The following ADCY2 variants were observed in gnomAD, a reference collection of about 807,000 sequenced individuals.
ADCY2 encodes the protein adenylate cyclase 2.
In ADCY2, 31 loss-of-function variants were observed where a neutral mutation model predicts 125.2. That is an observed-to-expected ratio of 0.25 (90% CI 0.19 to 0.33). The LOEUF (loss-of-function observed/expected upper bound fraction) is 0.33, where lower values mean the gene tolerates loss of function less well. Among genes scored for constraint, ADCY2 ranks in the 10% least tolerant of loss-of-function variants. The pLI is 1.00. For synonymous variants in ADCY2, 512 were observed against 548.4 expected, an observed-to-expected ratio of 0.93 and a Z score of 0.93; for missense variants, 904 against 1,418.2, an observed-to-expected ratio of 0.64 and a Z score of 5.82.
At chr5:7,694,363 C>T (rs1224130275) in intron 5 of ADCY2, among the ~76,000 whole-genome samples, 1 of 152,136 alleles carries the variant, frequency 6.6e-6, no homozygotes, top group African/African-American at 2.4e-5. Flanking sequence ...TGTTCTACAA[C>T]CATCAATATT....
intron 17 of ADCY2, among the ~76,000 whole-genome samples, chr5:7,770,167 A>G (rs756375387): frequency 6.6e-6 from 1 of 152,270 alleles, no homozygotes; most frequent in Non-Finnish European, 1.5e-5. Context: ...ATTACCATAC[A>G]TATTTTAGTA....
At chr5:7,593,488 T>A (rs1482493991) in intron 3 of ADCY2, among the ~76,000 whole-genome samples, 1 of 151,894 alleles carries the variant, frequency 6.6e-6, no homozygotes, top group Non-Finnish European at 1.5e-5. Flanking sequence ...ATTTCTCTCC[T>A]CCTGTAATGT....
chr5:7,657,360 G>A lies in ADCY2; in HGVS notation c.720+31044G>A, dbSNP rs543789894. On this transcript the variant is annotated intron_variant, in intron 4 of 24. Coordinates refer to ENST00000338316, the MANE Select transcript of ADCY2 (RefSeq NM_020546.3). ...TCCTTCATCACGCATACTTTTCTGC[G>A]TATGCAGAATGTGTAGATTAGGGCA... is the stretch of plus-strand genomic sequence containing the variant. 2.5e-4 allele frequency among the ~76,000 whole-genome samples: 38 copies of A among 152,338 alleles called. 1 individual carries two copies. In the South Asian group the frequency reaches 5.0e-3, roughly 20 times the overall value.
intron 3 of ADCY2, among the ~76,000 whole-genome samples, chr5:7,527,088 T>C (rs1322764084): frequency 1.3e-5 from 2 of 152,142 alleles, no homozygotes; most frequent in Non-Finnish European, 2.9e-5. Context: ...CAAAGGGAAA[T>C]TGGGACTAGG....
chr5:7,451,517 C>T (rs1220464828), intron 2 of ADCY2, among the ~76,000 whole-genome samples: 1 of 152,126 alleles, frequency 6.6e-6, no homozygotes, highest in Non-Finnish European at 1.5e-5. Flanking sequence ...AGGATAGACT[C>T]CACTCTTGAT....
intron 4 of ADCY2, among the ~76,000 whole-genome samples, chr5:7,649,167 G>C (rs1738998852): frequency 6.6e-6 from 1 of 152,160 alleles, no homozygotes; most frequent in South Asian, 2.1e-4. Flanking sequence ...TGAGTAAAAT[G>C]CTTCCCTTTA....
intron 7 of ADCY2, among the ~76,000 whole-genome samples, chr5:7,705,153 A>G (rs1741227844): frequency 6.6e-6 from 1 of 152,292 alleles, no homozygotes; most frequent in South Asian, 2.1e-4. Context: ...TGGGTTCTCT[A>G]ATGAATTTTT....
intron 3 of ADCY2, among the ~76,000 whole-genome samples, chr5:7,594,154 T>G (rs1288583607): frequency 6.6e-6 from 1 of 152,112 alleles, no homozygotes. Flanking sequence ...CTGGTTACAG[T>G]GCCGAGATGA....
At chr5:7,552,362 A>G (rs1735370059) in intron 3 of ADCY2, among the ~76,000 whole-genome samples, 1 of 152,194 alleles carries the variant, frequency 6.6e-6, no homozygotes, top group African/African-American at 2.4e-5. Flanking sequence ...CAGTATTTTG[A>G]TGGTTGACAG....
chr5:7,523,562 G>T (rs1275423336), intron 3 of ADCY2, among the ~76,000 whole-genome samples: 1 of 152,160 alleles, frequency 6.6e-6, no homozygotes, highest in African/African-American at 2.4e-5. Context: ...TCCAAGAGCT[G>T]GGAAAGGTGG....
At chr5:7,718,725 G>A (rs1331442820) in intron 12 of ADCY2, among the ~76,000 whole-genome samples, 2 of 152,090 alleles carry the variant, frequency 1.3e-5, no homozygotes, top group Non-Finnish European at 2.9e-5. Flanking sequence ...CAGCACCAGG[G>A]CCAATGCTCT....
At chr5:7,762,361 G>T (rs1743250014) in intron 16 of ADCY2, among the ~76,000 whole-genome samples, 1 of 152,194 alleles carries the variant, frequency 6.6e-6, no homozygotes, top group Non-Finnish European at 1.5e-5. Context: ...TTGTCCATGG[G>T]GCTCTGCCTC....
chr5:7,521,762 G>C (rs945744375), intron 3 of ADCY2, among the ~76,000 whole-genome samples: 1 of 152,282 alleles, frequency 6.6e-6, no homozygotes, highest in South Asian at 2.1e-4. Flanking sequence ...GGAAGTGAAG[G>C]CTCACTCTTG....
At chr5:7,592,189 T>C (rs185260542) in intron 3 of ADCY2, among the ~76,000 whole-genome samples, 1 of 152,282 alleles carries the variant, frequency 6.6e-6, no homozygotes, top group Admixed American at 6.5e-5. Context: ...ACAAAGAGGG[T>C]CGCCTAAATA....
intron 5 of ADCY2, among the ~76,000 whole-genome samples, chr5:7,694,240 A>C (rs1366270549): frequency 6.6e-6 from 1 of 152,218 alleles, no homozygotes; most frequent in South Asian, 2.1e-4. Flanking sequence ...GACCCTGCTG[A>C]CTGGTGCCCC....
chr5:7,559,195 T>C (rs1238974820), intron 3 of ADCY2, among the ~76,000 whole-genome samples: 2 of 152,228 alleles, frequency 1.3e-5, no homozygotes, highest in South Asian at 2.1e-4. Context: ...AAAACAGTTA[T>C]TTCTAGTTTT....
intron 2 of ADCY2, among the ~76,000 whole-genome samples, chr5:7,469,338 A>G (rs1433198473): frequency 6.6e-6 from 1 of 151,994 alleles, no homozygotes; most frequent in Non-Finnish European, 1.5e-5. Context: ...ATTTATTTAT[A>G]CTATATGGTT....
At chr5:7,609,406 T>C (rs1327516214) in intron 3 of ADCY2, among the ~76,000 whole-genome samples, 1 of 152,244 alleles carries the variant, frequency 6.6e-6, no homozygotes, top group Non-Finnish European at 1.5e-5. Flanking sequence ...TTTGAGCAGT[T>C]TGGGGCACAT....
chr5:7,741,334 G>A lies in ADCY2; in HGVS notation c.1872-2334G>A, dbSNP rs79647902. ...TAGGGAAGTTATAGAAGTATAACTT[G>A]GGCAAGTTCCTCAACTTCCCTGTGT... On this transcript the variant is annotated intron_variant, in intron 14 of 24. Coordinates refer to ENST00000338316, the MANE Select transcript of ADCY2 (RefSeq NM_020546.3). Among the ~76,000 whole-genome samples the A allele has an allele frequency of 6.9e-3, 1,044 of 152,112 alleles. 5 individuals carry two copies. Among genetic ancestry groups the A allele is most frequent in the Non-Finnish European group, 0.011 (731 of 67,982 alleles).
Sources: allele counts gnomAD v4.1 joint callset (sites outside exome capture counted in the v4.1 genomes callset), GRCh38; gene constraint gnomAD v4.1.1; transcripts MANE v1.5; gene names NCBI Gene and HGNC (gene_info 2026-07-23, HGNC 2026-07-21).